NRBF2: variants seen among roughly 807,000 people sequenced by gnomAD.
NRBF2 encodes nuclear receptor-binding factor 2.
Under a neutral mutation model 28.5 loss-of-function variants are expected in NRBF2, and 12 were observed. The observed-to-expected ratio is 0.42, with a 90% CI of 0.27 to 0.68. The LOEUF (loss-of-function observed/expected upper bound fraction) is 0.68. NRBF2 is among the 30% of genes least tolerant of loss of function. NRBF2 has a pLI of 0.24. For synonymous variants in NRBF2, 102 were observed against 116.5 expected (o/e 0.88, Z 0.80); for missense variants, 274 against 333.5 (o/e 0.82, Z 1.39).
At position 63,145,256 on chromosome 10, in the gene NRBF2, C is replaced by G. The variant is rs570114029; in HGVS notation, c.31-953C>G. Among the ~76,000 whole-genome samples, 13 of 151,882 alleles carry G rather than the reference C, an allele frequency of 8.6e-5. No individual in the cohort carries two copies. In the East Asian group the frequency reaches 2.3e-3, roughly 27 times the overall value. On this transcript the variant is annotated intron_variant, in intron 1 of 3. Transcript: ENST00000277746. ...CTGAGTAGCTGGGATTACAGGCGCCCGCAGAGACGGTGTTTCACCCTGTTA... is the reference window on the plus strand; with the variant it reads ...CTGAGTAGCTGGGATTACAGGCGCCGGCAGAGACGGTGTTTCACCCTGTTA...
intron 2 of NRBF2, among the ~76,000 whole-genome samples, chr10:63,148,727 A>T (rs779511322): frequency 2.0e-5 from 3 of 152,174 alleles, no homozygotes; most frequent in Non-Finnish European, 4.4e-5. Flanking sequence ...TTGCCTTTTG[A>T]GGAAAGGTAG....
chr10:63,136,165 C>CT (rs1841374971), intron 1 of NRBF2, among the ~76,000 whole-genome samples: 1 of 140,438 alleles, frequency 7.1e-6, no homozygotes, highest in African/African-American at 2.7e-5. Context: ...CGGAGTCTCG[C>CT]TTTGTCACCC....
At chr10:63,141,462 T>A (rs942294951) in intron 1 of NRBF2, among the ~76,000 whole-genome samples, 8 of 152,206 alleles carry the variant, frequency 5.3e-5, no homozygotes, top group Admixed American at 2.6e-4. Flanking sequence ...AAAATTTTTT[T>A]AAAATGCAAT....
At chr10:63,138,229 C>A (rs538807766) in intron 1 of NRBF2, among the ~76,000 whole-genome samples, 28 of 152,134 alleles carry the variant, frequency 1.8e-4, no homozygotes, top group Middle Eastern at 6.8e-3. Context: ...AGGAGAATCG[C>A]TTGAATCCAG....
Position 63,133,509 on chromosome 10 carries a change from C to T in NRBF2, c.30+9C>T, listed in dbSNP as rs760181841. 8 of 1,601,812 alleles carry T rather than the reference C, an allele frequency of 5.0e-6. No homozygotes were observed. In the Admixed American group the frequency reaches 6.7e-5, roughly 13 times the overall value. ...AAGGACCCCTCAACCTGGTGAGTGT[C>T]CCACAGAATATAGCGTTCGTCTTGG... On this transcript the variant is annotated intron_variant, in intron 1 of 3. Transcript: ENST00000277746.
rs142975227 is a variant in NRBF2 at position 63,136,594 on chromosome 10, A to T, written c.30+3094A>T. 3.3e-3 allele frequency among the ~76,000 whole-genome samples: 499 copies of T among 152,314 alleles called. 3 individuals carry two copies. Among genetic ancestry groups the T allele is most frequent in the African/African-American group, 0.012 (483 of 41,584 alleles). On this transcript the variant is annotated intron_variant, in intron 1 of 3. Transcript: ENST00000277746. ...GTGTGTTTTCCAGTTTTACAGATAA[A>T]TAAGCCTAAGCTGAGAGAATTAGGT...
At chr10:63,135,233 A>G (rs1207748507) in intron 1 of NRBF2, among the ~76,000 whole-genome samples, 2 of 152,236 alleles carry the variant, frequency 1.3e-5, no homozygotes, top group African/African-American at 4.8e-5. Flanking sequence ...TTAAGGCGAC[A>G]TATAGTTGGC....
intron 1 of NRBF2, among the ~76,000 whole-genome samples, chr10:63,140,480 T>C (rs911654213): frequency 2.0e-5 from 3 of 151,912 alleles, no homozygotes; most frequent in Non-Finnish European, 4.4e-5. Flanking sequence ...TGCAGTGGCG[T>C]AATCACGGCT....
Position 63,133,445 on chromosome 10 carries a change from T to G in NRBF2, c.-26T>G. ...TCCCCGGCGCCACTACTCCCCTTCC[T>G]AAGGCCGCCGCTTACCCCGGGGTCT... On this transcript the variant is annotated 5_prime_UTR_variant, in exon 1 of 4. Coordinates refer to ENST00000277746, the MANE Select transcript of NRBF2 (RefSeq NM_030759.5). 1.2e-6 allele frequency: 2 copies of G among 1,611,586 alleles called. No individual in the cohort carries two copies. The highest frequency in any genetic ancestry group is 1.7e-6 in the Non-Finnish European group (2 of 1,178,836).
chr10:63,143,628 T>G (rs1267213809), intron 1 of NRBF2, among the ~76,000 whole-genome samples: 1 of 152,092 alleles, frequency 6.6e-6, no homozygotes, highest in Admixed American at 6.5e-5. Context: ...GCTGGGCTAA[T>G]TTTTGTAGAG....
Position 63,154,613 on chromosome 10 carries a change from G to A in NRBF2, c.*395G>A, listed in dbSNP as rs1384269979. On this transcript the variant is annotated 3_prime_UTR_variant, in exon 4 of 4. Transcript: ENST00000277746. The stretch of plus-strand genomic sequence containing the variant: ...AATGCAAAACCTAAATAATATGGTG[G>A]CCGGAGGGGCTGCCTTATATTTGAA... The A allele has an allele frequency of 2.5e-5, 4 of 162,194 alleles. No individual in the cohort carries two copies. Among genetic ancestry groups the A allele is most frequent in the East Asian group, 1.8e-4 (1 of 5,442 alleles). 10.0% of individuals were successfully genotyped at this position (162,194 alleles called of 1,614,324 possible). A position where few individuals can be genotyped will look rare whatever the true frequency, so the allele number is the denominator to read the frequency against.
chr10:63,134,959 G>A (rs548573855), intron 1 of NRBF2, among the ~76,000 whole-genome samples: 1 of 152,144 alleles, frequency 6.6e-6, no homozygotes, highest in Non-Finnish European at 1.5e-5. Flanking sequence ...AGGCCGAGGC[G>A]GGCGAATCAC....
At chr10:63,149,716 G>T (rs910380714) in intron 2 of NRBF2, among the ~76,000 whole-genome samples, 1 of 152,138 alleles carries the variant, frequency 6.6e-6, no homozygotes, top group African/African-American at 2.4e-5. Context: ...ATATCCTTCT[G>T]TAACCTCCTT....
chr10:63,133,638 G>A, intron 1 of NRBF2, 138 bp downstream of exon 1: 4 of 694,264 alleles, frequency 5.8e-6, no homozygotes, highest in Non-Finnish European at 7.6e-6. Context: ...GTGAGGGGCT[G>A]CTAGGCAGGC....
chr10:63,135,648 T>C (rs1841363903), intron 1 of NRBF2, among the ~76,000 whole-genome samples: 1 of 116,140 alleles, frequency 8.6e-6, no homozygotes, highest in Admixed American at 9.3e-5. Context: ...TCTTGAATTC[T>C]TTTTTTTTTT....
At chr10:63,152,712 TAAGACTGGGC>T (rs1841668384) in intron 3 of NRBF2, among the ~76,000 whole-genome samples, 1 of 152,212 alleles carries the variant, frequency 6.6e-6, no homozygotes, top group African/African-American at 2.4e-5. Context: ...CATTTATTCA[TAAGACTGGGC>T]ATGGTGGCCC....
Position 63,133,400 on chromosome 10 carries a change from C to G in NRBF2, c.-71C>G. Reference sequence around the variant, plus strand: ...CAGTCTCCGCGGCTGCGTCGAGCTCCCTTGCAGTCCCCTCCATGTTCCCCG... The same window carrying G: ...CAGTCTCCGCGGCTGCGTCGAGCTCGCTTGCAGTCCCCTCCATGTTCCCCG... On this transcript the variant is annotated 5_prime_UTR_variant, in exon 1 of 4. Transcript: ENST00000277746. 1 of 1,592,822 alleles carries G rather than the reference C, an allele frequency of 6.3e-7. No homozygotes were observed. Among genetic ancestry groups the G allele is most frequent in the Middle Eastern group, 1.7e-4 (1 of 5,950 alleles).
chr10:63,147,911 T>C (rs189558716), intron 2 of NRBF2, among the ~76,000 whole-genome samples: 1 of 152,316 alleles, frequency 6.6e-6, no homozygotes, highest in Non-Finnish European at 1.5e-5. Flanking sequence ...ACATGTCAAC[T>C]AGTGCTCTTT....
Position 63,153,552 on chromosome 10 carries a change from A to G in NRBF2, c.198A>G (p.Lys66=). 6.2e-7 allele frequency: 1 copy of G among 1,611,880 alleles called. No individual in the cohort carries two copies. Among genetic ancestry groups the G allele is most frequent in the Non-Finnish European group, 8.5e-7 (1 of 1,179,804 alleles). The stretch of plus-strand genomic sequence containing the variant: ...AATTGCAAAGGGATAGCCATATGAA[A>G]CAGCTCCTCCTCATCCAAGAGAGAT... ...SLELQRDSHM[K]QLLLIQERWK... is the part of the protein sequence containing the mutation. Residue 66 remains lysine, a synonymous_variant, in exon 4 of 4, where the codon AAA becomes AAG. Transcript: ENST00000277746.
Sources: allele counts gnomAD v4.1 joint callset (sites outside exome capture counted in the v4.1 genomes callset), GRCh38; gene constraint gnomAD v4.1.1; transcripts MANE v1.5; gene names NCBI Gene and HGNC (gene_info 2026-07-23, HGNC 2026-07-21).